PACRG: variants seen among roughly 807,000 people sequenced by gnomAD.
PACRG encodes the protein parkin coregulated gene protein.
PACRG carries 29 observed loss-of-function variants against 29.7 expected under a neutral mutation model. The observed-to-expected ratio is 0.98, with a 90% confidence interval of 0.73 to 1.33. PACRG has a LOEUF of 1.33. Ranked by LOEUF, PACRG falls within the 40% of genes most tolerant of loss-of-function variation. The pLI, the probability that PACRG is intolerant of heterozygous loss-of-function variation, is 0.00. For synonymous variants in PACRG, 116 were observed against 118.7 expected (o/e 0.98, Z 0.15); for missense variants, 279 against 316.2 (o/e 0.88, Z 0.89).
intron 4 of PACRG, among the ~76,000 whole-genome samples, chr6:163,257,198 G>A (rs1331569417): frequency 1.3e-5 from 2 of 152,036 alleles, no homozygotes; most frequent in African/African-American, 4.8e-5. Flanking sequence ...CAGGTTAGCA[G>A]TGGGGCGCAT....
intron 2 of PACRG, among the ~76,000 whole-genome samples, chr6:162,935,409 T>G (rs1479110298): frequency 6.8e-6 from 1 of 147,392 alleles, no homozygotes; most frequent in Non-Finnish European, 1.5e-5. Context: ...TTTTTTTTTT[T>G]GACTACGTAA....
intron 4 of PACRG, among the ~76,000 whole-genome samples, chr6:163,153,734 A>G (rs973045776): frequency 1.3e-5 from 2 of 152,212 alleles, no homozygotes; most frequent in Admixed American, 6.5e-5. Context: ...AAAGAAACCA[A>G]TTAAATTTAG....
chr6:162,981,034 C>T (rs1391930774), intron 2 of PACRG, among the ~76,000 whole-genome samples: 1 of 151,854 alleles, frequency 6.6e-6, no homozygotes, highest in Non-Finnish European at 1.5e-5. Context: ...TATCCCTCAC[C>T]CCCTCCCAAA....
intron 1 of PACRG, among the ~76,000 whole-genome samples, chr6:162,769,277 G>T (rs547182222): frequency 6.7e-6 from 1 of 149,878 alleles, no homozygotes; most frequent in Admixed American, 6.6e-5. Context: ...TCCATGAAAA[G>T]AATAAGCCTT....
chr6:163,084,461 G>T (rs958887085), intron 3 of PACRG, among the ~76,000 whole-genome samples: 5 of 152,204 alleles, frequency 3.3e-5, no homozygotes, highest in Non-Finnish European at 5.9e-5. Context: ...AATGGGCAGT[G>T]TAAGAAATCC....
At chr6:163,080,797 A>C (rs1161328970) in intron 3 of PACRG, among the ~76,000 whole-genome samples, 1 of 152,252 alleles carries the variant, frequency 6.6e-6, no homozygotes, top group Non-Finnish European at 1.5e-5. Context: ...TGAGTTTTGC[A>C]TAAAGATAGT....
intron 1 of PACRG, among the ~76,000 whole-genome samples, chr6:162,783,607 G>A (rs1359826648): frequency 6.6e-6 from 1 of 151,930 alleles, no homozygotes; most frequent in African/African-American, 2.4e-5. Context: ...AAATCTCTAT[G>A]TGGAAAGCAT....
rs1384145767 is a variant in PACRG, at chr6:162,881,275, T to C, written c.291+66994T>C. ...AAATGAGCAAACTTTCAATGATGAC[T>C]GCTCCTTAATGAACCTGTTTTCCTT... is the stretch of plus-strand genomic sequence containing the variant. On this transcript the variant is annotated intron_variant, in intron 2 of 4. Coordinates refer to ENST00000366888, the MANE Select transcript of PACRG (RefSeq NM_001080379.2). Among the ~76,000 whole-genome samples, 4 of 152,210 alleles carry C rather than the reference T, an allele frequency of 2.6e-5. No homozygotes were observed. The East Asian group carries it at 5.8e-4, about 22-fold the overall frequency.
chr6:163,309,337 G>A (rs1023578766), intron 4 of PACRG, among the ~76,000 whole-genome samples: 14 of 152,244 alleles, frequency 9.2e-5, no homozygotes, highest in Non-Finnish European at 2.1e-4. Context: ...CCTTGGGTGC[G>A]TGGAGAGAGT....
chr6:163,309,224 G>A (rs1237254030), intron 4 of PACRG, among the ~76,000 whole-genome samples: 17 of 152,202 alleles, frequency 1.1e-4, no homozygotes, highest in Non-Finnish European at 4.4e-5. Context: ...TGCTCCACAT[G>A]CCAACGGCCA....
At chr6:163,162,868 A>G (rs951357532) in intron 4 of PACRG, among the ~76,000 whole-genome samples, 2 of 152,220 alleles carry the variant, frequency 1.3e-5, no homozygotes, top group Non-Finnish European at 2.9e-5. Flanking sequence ...TGATGAAGAC[A>G]GAGCCAGTCC....
intron 2 of PACRG, among the ~76,000 whole-genome samples, chr6:162,956,563 G>A (rs1446551145): frequency 3.9e-5 from 6 of 152,186 alleles, no homozygotes; most frequent in Admixed American, 6.5e-5. Context: ...GAGAGTGTTG[G>A]CAGGGCCGTG....
At chr6:163,295,893 C>A (rs185388967) in intron 4 of PACRG, among the ~76,000 whole-genome samples, 2 of 152,268 alleles carry the variant, frequency 1.3e-5, no homozygotes, top group African/African-American at 4.8e-5. Flanking sequence ...TAGCCTGATG[C>A]CTGACACCTT....
At chr6:162,863,627 A>C (rs1333862787) in intron 2 of PACRG, among the ~76,000 whole-genome samples, 2 of 152,208 alleles carry the variant, frequency 1.3e-5, no homozygotes, top group Non-Finnish European at 2.9e-5. Flanking sequence ...AAAGCTTCAC[A>C]TTTATAGAAC....
chr6:162,776,386 T>C (rs1783643341), intron 1 of PACRG, among the ~76,000 whole-genome samples: 1 of 152,206 alleles, frequency 6.6e-6, no homozygotes. Context: ...ACCTGCTCCC[T>C]GGTTGTTTTC....
At chr6:163,175,453 G>C (rs2128349693) in intron 4 of PACRG, among the ~76,000 whole-genome samples, 1 of 151,468 alleles carries the variant, frequency 6.6e-6, no homozygotes, top group Middle Eastern at 3.4e-3. Flanking sequence ...GTGGTTAAAG[G>C]ACATCACTCC....
chr6:163,232,883 C>T lies in PACRG; in HGVS notation c.614-81944C>T, dbSNP rs1330434122. The stretch of plus-strand genomic sequence containing the variant: ...ACAGCCAGCCCCTCCACCCCTCCTC[C>T]AGGAGCCTCCACCCCCGAAACCAGC... On this transcript the variant is annotated intron_variant, in intron 4 of 4. Coordinates refer to ENST00000366888, the MANE Select transcript of PACRG (RefSeq NM_001080379.2). 2.0e-5 allele frequency among the ~76,000 whole-genome samples: 3 copies of T among 152,172 alleles called. No homozygotes were observed. The East Asian group carries it at 5.8e-4, about 29-fold the overall frequency.
chr6:162,958,406 A>G (rs1307483137), intron 2 of PACRG, among the ~76,000 whole-genome samples: 1 of 152,096 alleles, frequency 6.6e-6, no homozygotes, highest in Non-Finnish European at 1.5e-5. Context: ...CTCATATACA[A>G]TTCTTGAAAC....
chr6:162,799,635 T>A (rs1242947681), intron 1 of PACRG, among the ~76,000 whole-genome samples: 1 of 152,156 alleles, frequency 6.6e-6, no homozygotes, highest in East Asian at 1.9e-4. Context: ...GGACCCTTTT[T>A]TTTTTCTTAC....
Sources: allele counts gnomAD v4.1 joint callset (sites outside exome capture counted in the v4.1 genomes callset), GRCh38; gene constraint gnomAD v4.1.1; transcripts MANE v1.5; gene names NCBI Gene and HGNC (gene_info 2026-07-23, HGNC 2026-07-21).